INPP5D: variants seen among roughly 807,000 people sequenced by gnomAD.
The protein encoded by INPP5D is phosphatidylinositol 3,4,5-trisphosphate 5-phosphatase 1.
A neutral mutation model predicts 122.9 loss-of-function variants in INPP5D; 33 were observed. That is an observed-to-expected ratio of 0.27 (90% CI 0.20 to 0.36). INPP5D has a LOEUF of 0.36. INPP5D is among the 10% of genes least tolerant of loss of function. The pLI is 1.00. For synonymous variants in INPP5D, 584 were observed against 576.2 expected (o/e 1.01, Z -0.19); for missense variants, 1,053 against 1,412.7 (o/e 0.75, Z 4.08).
At chr2:233,145,239 G>C (rs1366220393) in intron 6 of INPP5D, 1 of 456,080 alleles carries the variant, frequency 2.2e-6, no homozygotes, top group Non-Finnish European at 4.4e-6. Context: ...AGGTAGACAG[G>C]ATACATGTCT....
chr2:233,158,577 T>A (rs36153082), intron 10 of INPP5D, among the ~76,000 whole-genome samples, 158 bp downstream of exon 10: 1 of 151,456 alleles, frequency 6.6e-6, no homozygotes, highest in South Asian at 2.1e-4. Flanking sequence ...AAGTTGAGGA[T>A]CATGTTCCAG....
intron 2 of INPP5D, among the ~76,000 whole-genome samples, chr2:233,080,575 T>C (rs1365400955): frequency 6.6e-6 from 1 of 152,118 alleles, no homozygotes; most frequent in Non-Finnish European, 1.5e-5. Context: ...GGATATCATG[T>C]CATGGAAGAG....
Position 233,128,987 on chromosome 2 carries a change from A to G in INPP5D, c.525-1521A>G, listed in dbSNP as rs759549103. 1.3e-5 allele frequency among the ~76,000 whole-genome samples: 2 copies of G among 152,168 alleles called. No individual in the cohort carries two copies. Among genetic ancestry groups the G allele is most frequent in the Non-Finnish European group, 2.9e-5 (2 of 67,996 alleles). ...CTGAGGTCAGCCTGGCCAACATGGT[A>G]AAACTCCACCTCTACTAAAAATACA... On this transcript the variant is annotated intron_variant, in intron 4 of 26. Coordinates refer to ENST00000445964, the MANE Select transcript of INPP5D (RefSeq NM_001017915.3). This position sits in a 1 kb window ranked among gnomAD's most constrained non-coding sequence, Gnocchi z 4.5.
intron 17 of INPP5D, among the ~76,000 whole-genome samples, chr2:233,176,958 G>A (rs1166870401): frequency 1.3e-5 from 2 of 152,052 alleles, no homozygotes; most frequent in East Asian, 3.9e-4. Context: ...AAATACAGGT[G>A]GGGGTTCATC....
intron 2 of INPP5D, among the ~76,000 whole-genome samples, chr2:233,110,674 C>T (rs1692598988): frequency 6.6e-6 from 1 of 152,198 alleles, no homozygotes; most frequent in Non-Finnish European, 1.5e-5. Context: ...GTAATCCCAT[C>T]ACTTTGGGAA....
intron 2 of INPP5D, among the ~76,000 whole-genome samples, chr2:233,096,355 G>C (rs1251813244): frequency 6.6e-6 from 1 of 152,152 alleles, no homozygotes; most frequent in Non-Finnish European, 1.5e-5. Flanking sequence ...TCTCTCATTA[G>C]AAATGACACT....
At chr2:233,132,029 T>A (rs1270991551) in intron 5 of INPP5D, among the ~76,000 whole-genome samples, 1 of 152,236 alleles carries the variant, frequency 6.6e-6, no homozygotes. Context: ...TTTCAATGAA[T>A]TGGCTTTCAA....
intron 2 of INPP5D, among the ~76,000 whole-genome samples, chr2:233,089,387 A>G (rs1218857259): frequency 6.6e-6 from 1 of 152,232 alleles, no homozygotes; most frequent in Non-Finnish European, 1.5e-5. Flanking sequence ...CAGATGAGAT[A>G]ACACTGTTTG....
intron 22 of INPP5D, among the ~76,000 whole-genome samples, chr2:233,190,947 G>T (rs953255754): frequency 1.3e-5 from 2 of 152,234 alleles, no homozygotes; most frequent in African/African-American, 4.8e-5. Flanking sequence ...ACAGATGAGT[G>T]AGCCAGAATA....
intron 3 of INPP5D, among the ~76,000 whole-genome samples, chr2:233,123,666 G>A (rs1693064032): frequency 6.6e-6 from 1 of 152,186 alleles, no homozygotes; most frequent in South Asian, 2.1e-4. Flanking sequence ...AGACACATAT[G>A]TGTATGTTCA....
intron 1 of INPP5D, 62 bp downstream of exon 1, chr2:233,060,674 G>T (rs1691047321): frequency 6.3e-7 from 1 of 1,593,222 alleles, no homozygotes; most frequent in Non-Finnish European, 8.6e-7. Flanking sequence ...AGGGGGCCCA[G>T]CTTTGAGATG....
chr2:233,178,158 A>C (rs536179298), intron 18 of INPP5D, among the ~76,000 whole-genome samples: 1 of 152,326 alleles, frequency 6.6e-6, no homozygotes, highest in South Asian at 2.1e-4. Context: ...TTAGCCAGGC[A>C]CTGTGCCACG....
rs1692269511 is a variant in INPP5D, at chr2:233,100,137, A to G, written c.198+20739A>G. Among the ~76,000 whole-genome samples the G allele has an allele frequency of 6.6e-6, 1 of 152,232 alleles. No individual in the cohort carries two copies. Among genetic ancestry groups the G allele is most frequent in the African/African-American group, 2.4e-5 (1 of 41,462 alleles). On this transcript the variant is annotated intron_variant, in intron 2 of 26. Coordinates refer to ENST00000445964, the MANE Select transcript of INPP5D (RefSeq NM_001017915.3). The surrounding 1 kb of genome is among the most constrained non-coding windows in gnomAD (Gnocchi z 5.3). The stretch of plus-strand genomic sequence containing the variant: ...GGTGGGGACACAGTCAAACCATATC[A>G]GAGTGGAAGCATTCCCTTTCAATGG...
chr2:233,064,800 T>C (rs4257390), intron 1 of INPP5D, among the ~76,000 whole-genome samples: 81,475 of 152,146 alleles, frequency 0.54, 22,574 homozygotes, highest in East Asian at 0.94. Flanking sequence ...AAACTCCTAA[T>C]CTCAGAGAGT....
chr2:233,108,233 G>A (rs568647430), intron 2 of INPP5D, among the ~76,000 whole-genome samples: 13 of 152,172 alleles, frequency 8.5e-5, no homozygotes, highest in Admixed American at 2.6e-4. Context: ...GTCCTCCTCC[G>A]GGATCTCACT....
chr2:233,074,603 T>G (rs1038350651), intron 1 of INPP5D, among the ~76,000 whole-genome samples: 8 of 152,106 alleles, frequency 5.3e-5, no homozygotes, highest in African/African-American at 1.4e-4. Context: ...TCTACATTGG[T>G]GCAAATAGTT....
chr2:233,167,445 G>A (rs984199769), intron 13 of INPP5D, among the ~76,000 whole-genome samples: 2 of 152,192 alleles, frequency 1.3e-5, no homozygotes, highest in African/African-American at 4.8e-5. Context: ...AGAGTCTATG[G>A]AGATGATCCA....
intron 22 of INPP5D, among the ~76,000 whole-genome samples, chr2:233,192,069 G>A (rs1394144637): frequency 2.0e-5 from 3 of 152,106 alleles, no homozygotes; most frequent in Non-Finnish European, 2.9e-5. Context: ...GCTCTTCCCC[G>A]TTCCCAGTGC....
chr2:233,137,129 C>T (rs941017430), intron 5 of INPP5D, among the ~76,000 whole-genome samples: 1 of 152,078 alleles, frequency 6.6e-6, no homozygotes, highest in Non-Finnish European at 1.5e-5. Flanking sequence ...TGAAATAAAA[C>T]TCTCTATCTC....
Sources: allele counts gnomAD v4.1 joint callset (sites outside exome capture counted in the v4.1 genomes callset), GRCh38; gene constraint gnomAD v4.1.1; non-coding constraint Gnocchi (gnomAD v3.1); transcripts MANE v1.5; gene names NCBI Gene and HGNC (gene_info 2026-07-23, HGNC 2026-07-21).